Variants in GNA14 observed in about 807,000 individuals in gnomAD.
The protein encoded by GNA14 is guanine nucleotide-binding protein subunit alpha-14.
A neutral mutation model predicts 42.0 loss-of-function variants in GNA14; 50 were observed. The observed-to-expected ratio is 1.19, with a 90% CI of 0.95 to 1.51. The LOEUF (loss-of-function observed/expected upper bound fraction) is 1.51. Ranked by LOEUF, GNA14 falls within the 40% of genes most tolerant of loss-of-function variation. GNA14 has a pLI of 0.00. For missense variants in GNA14, 473 were observed against 446.2 expected, an observed-to-expected ratio of 1.06 and a Z score of -0.54; for synonymous variants, 173 against 163.1, an observed-to-expected ratio of 1.06 and a Z score of -0.46.
At chr9:77,450,757 C>T (rs1326742837) in intron 2 of GNA14, among the ~76,000 whole-genome samples, 1 of 151,936 alleles carries the variant, frequency 6.6e-6, no homozygotes, top group Non-Finnish European at 1.5e-5. Flanking sequence ...ACATCTTGAA[C>T]TGTAGCTCCC....
At chr9:77,626,025 A>T (rs146959570) in intron 1 of GNA14, among the ~76,000 whole-genome samples, 2,578 of 151,852 alleles carry the variant, frequency 0.017, 86 homozygotes, top group African/African-American at 0.059. Context: ...GGCTCAAAAT[A>T]AAGGGATGGA....
At chr9:77,486,841 G>C (rs1268702538) in intron 2 of GNA14, among the ~76,000 whole-genome samples, 1 of 151,970 alleles carries the variant, frequency 6.6e-6, no homozygotes, top group Non-Finnish European at 1.5e-5. Flanking sequence ...AATTACATTA[G>C]GAAGATAATA....
chr9:77,526,986 T>C (rs923932587), intron 2 of GNA14, among the ~76,000 whole-genome samples: 1 of 152,186 alleles, frequency 6.6e-6, no homozygotes, highest in African/African-American at 2.4e-5. Flanking sequence ...ATAACTAAGC[T>C]GATTAGGTTT....
intron 1 of GNA14, among the ~76,000 whole-genome samples, chr9:77,611,336 G>C (rs755354771): frequency 3.9e-5 from 6 of 152,182 alleles, no homozygotes; most frequent in Admixed American, 1.3e-4. Context: ...AGCTACATGG[G>C]CAGGCCCAGA....
chr9:77,472,025 T>C (rs75366807), intron 2 of GNA14, among the ~76,000 whole-genome samples: 2,066 of 152,304 alleles, frequency 0.014, 46 homozygotes, highest in African/African-American at 0.047. Context: ...AGGCTAATTC[T>C]CTTGGAGTTA....
intron 2 of GNA14, among the ~76,000 whole-genome samples, chr9:77,443,640 G>A (rs948853118): frequency 5.3e-5 from 8 of 152,168 alleles, no homozygotes; most frequent in African/African-American, 1.9e-4. Context: ...CACAATAAGT[G>A]TTGGCATGAG....
intron 1 of GNA14, among the ~76,000 whole-genome samples, chr9:77,628,152 A>C (rs1824041042): frequency 2.0e-5 from 3 of 152,202 alleles, no homozygotes; most frequent in African/African-American, 7.2e-5. Flanking sequence ...ATTGCTACAA[A>C]GAGAATAAAA....
chr9:77,571,766 A>AC (rs930237935), intron 1 of GNA14, among the ~76,000 whole-genome samples: 11 of 152,078 alleles, frequency 7.2e-5, no homozygotes, highest in Non-Finnish European at 1.2e-4. Flanking sequence ...CAAAAAAAAA[A>AC]AAAAAGGTTA....
chr9:77,648,058 G>A lies in GNA14; in HGVS notation c.-265C>T, dbSNP rs918699308. 1.0e-5 allele frequency: 5 copies of A among 497,634 alleles called. No homozygotes were observed. The highest frequency in any genetic ancestry group is 5.2e-4 in the Middle Eastern group (1 of 1,914). 30.8% of individuals were successfully genotyped at this position (497,634 alleles called of 1,614,324 possible). On this transcript the variant is annotated 5_prime_UTR_variant, in exon 1 of 7. Coordinates refer to ENST00000341700, the MANE Select transcript of GNA14 (RefSeq NM_004297.4). Reference sequence around the variant, plus strand: ...GCTCAGCCCGCCCCACTCTCGCTCTGGGGAGGAGGAGGGCGAGTCGAGAAG... The same window carrying A: ...GCTCAGCCCGCCCCACTCTCGCTCTAGGGAGGAGGAGGGCGAGTCGAGAAG...
At chr9:77,461,589 G>A (rs889950005) in intron 2 of GNA14, among the ~76,000 whole-genome samples, 1 of 152,034 alleles carries the variant, frequency 6.6e-6, no homozygotes, top group African/African-American at 2.4e-5. Context: ...ATGACAACAC[G>A]GGGATCCTAT....
chr9:77,475,042 T>TTTTTTTTTTTTTTTTTTTTTTTTTGAG (rs1323015257), intron 2 of GNA14, among the ~76,000 whole-genome samples: 1 of 151,632 alleles, frequency 6.6e-6, no homozygotes, highest in African/African-American at 2.4e-5. Flanking sequence ...GTGTTTCTTT[T>TTTTTTTTTTTTTTTTTTTTTTTTTGAG]ATGGGGGACA....
intron 2 of GNA14, among the ~76,000 whole-genome samples, chr9:77,511,875 C>T (rs1837176403): frequency 6.6e-6 from 1 of 152,116 alleles, no homozygotes; most frequent in Non-Finnish European, 1.5e-5. Context: ...ACCAGAAGGC[C>T]TCTAATTTGG....
chr9:77,438,858 C>A (rs573812989), intron 2 of GNA14, among the ~76,000 whole-genome samples: 3 of 152,166 alleles, frequency 2.0e-5, no homozygotes, highest in Non-Finnish European at 4.4e-5. Flanking sequence ...TTCCTAAAAA[C>A]AAGGACATCA....
intron 2 of GNA14, among the ~76,000 whole-genome samples, chr9:77,438,718 C>T (rs1462385396): frequency 6.6e-6 from 1 of 152,154 alleles, no homozygotes; most frequent in African/African-American, 2.4e-5. Context: ...ATCCTTTCTC[C>T]CTCCATGTGT....
At chr9:77,560,690 G>A (rs11790551) in intron 1 of GNA14, among the ~76,000 whole-genome samples, 1 of 152,028 alleles carries the variant, frequency 6.6e-6, no homozygotes, top group Non-Finnish European at 1.5e-5. Flanking sequence ...ACCTTACCCT[G>A]GTTCCAACAG....
intron 6 of GNA14, among the ~76,000 whole-genome samples, chr9:77,424,505 G>A (rs576365433): frequency 6.6e-6 from 1 of 152,298 alleles, no homozygotes; most frequent in South Asian, 2.1e-4. Flanking sequence ...TTACAGGCGT[G>A]AGCCACCGTG....
intron 2 of GNA14, among the ~76,000 whole-genome samples, chr9:77,488,975 G>T (rs572771354): frequency 5.9e-5 from 9 of 152,042 alleles, no homozygotes; most frequent in African/African-American, 2.2e-4. Flanking sequence ...TATACAAACC[G>T]TCTGACCAAG....
At chr9:77,482,110 T>G (rs139425451) in intron 2 of GNA14, among the ~76,000 whole-genome samples, 1 of 152,220 alleles carries the variant, frequency 6.6e-6, no homozygotes, top group Non-Finnish European at 1.5e-5. Flanking sequence ...AGTTGGTTAT[T>G]TTGCTCATTA....
At chr9:77,534,803 A>G (rs1837574460) in intron 1 of GNA14, among the ~76,000 whole-genome samples, 1 of 152,120 alleles carries the variant, frequency 6.6e-6, no homozygotes, top group Non-Finnish European at 1.5e-5. Flanking sequence ...AGCCTAAAAG[A>G]GCAGAGTAAG....
Sources: gnomAD v4.1 joint callset for allele counts (sites outside exome capture counted in the v4.1 genomes callset) on GRCh38, gnomAD v4.1.1 for gene constraint, MANE v1.5 for transcripts, NCBI Gene and HGNC (gene_info 2026-07-23, HGNC 2026-07-21) for gene names.